CASP9: variants seen among roughly 807,000 people sequenced by gnomAD.
The protein encoded by CASP9 is caspase-9.
In CASP9, 29 loss-of-function variants were observed where a neutral mutation model predicts 43.5. That is an observed-to-expected ratio of 0.67 (90% CI 0.50 to 0.91). CASP9 has a LOEUF of 0.91. CASP9 is among the 40% of genes least tolerant of loss of function. The pLI is 0.00. For synonymous variants in CASP9, 206 were observed against 211.9 expected (o/e 0.97, Z 0.24); for missense variants, 575 against 537.4 (o/e 1.07, Z -0.69).
chr1:15,499,882 T>C (rs1203875539), intron 6 of CASP9, among the ~76,000 whole-genome samples: 1 of 152,200 alleles, frequency 6.6e-6, no homozygotes. Context: ...TAGGTTGCCA[T>C]ATTTTTTGTC....
chr1:15,509,475 A>AAAAAAAAAAAAAG (rs1709656230), intron 2 of CASP9, among the ~76,000 whole-genome samples: 1 of 150,996 alleles, frequency 6.6e-6, no homozygotes, highest in African/African-American at 2.4e-5. Flanking sequence ...AAAAAAAAAA[A>AAAAAAAAAAAAAG]AAAAGAAAAA....
rs1249673630 is a variant in CASP9 at position 15,518,281 on chromosome 1, C to T, written c.247G>A (p.Asp83Asn). 1 of 1,614,124 alleles carries T rather than the reference C, an allele frequency of 6.2e-7. No homozygotes were observed. Among genetic ancestry groups the T allele is most frequent in the African/African-American group, 1.3e-5 (1 of 74,948 alleles). Residue 83 changes from aspartate (D) to asparagine (N), a missense_variant, in exon 2 of 9, where the codon GAC (aspartate) becomes AAC (asparagine). Asp to Asn is a conservative substitution (Grantham distance 23, BLOSUM62 1). Transcript: ENST00000333868. ...GTTCGCAGAAACGAAGCCAGCATGT[C>T]CTGGCCTGTGTCCTCTAAGCAGGAG... ...FISCLEDTGQ[D>N]MLASFLRTNR... is the part of the protein sequence containing the mutation.
At chr1:15,493,807 T>G in intron 8 of CASP9, 85 bp downstream of exon 8, 3 of 1,528,688 alleles carry the variant, frequency 2.0e-6, no homozygotes, top group Non-Finnish European at 2.6e-6. Flanking sequence ...GGGCCTGCCC[T>G]GCTCACCCCA....
At chr1:15,507,767 G>A in intron 3 of CASP9, 106 bp downstream of exon 3, 1 of 1,083,794 alleles carries the variant, frequency 9.2e-7, no homozygotes, top group Non-Finnish European at 1.4e-6. Context: ...CACTGCCTAG[G>A]GTTGGGTTCC....
intron 6 of CASP9, among the ~76,000 whole-genome samples, chr1:15,498,812 C>T (rs1036046379): frequency 3.6e-5 from 5 of 140,706 alleles, no homozygotes; most frequent in East Asian, 4.2e-4. Context: ...TGCAGTGGCG[C>T]GATGGCTCAC....
chr1:15,493,305 G>T, intron 8 of CASP9: 1 of 1,336,130 alleles, frequency 7.5e-7, no homozygotes, highest in Admixed American at 3.5e-5. Flanking sequence ...GCCCCTTCTC[G>T]TGGCATGAAT....
intron 6 of CASP9, among the ~76,000 whole-genome samples, chr1:15,497,183 C>A (rs1181885045): frequency 1.3e-5 from 2 of 151,444 alleles, no homozygotes; most frequent in Non-Finnish European, 2.9e-5. Flanking sequence ...TGGTGGTGGG[C>A]ACCTGTAATC....
intron 5 of CASP9, among the ~76,000 whole-genome samples, chr1:15,505,288 T>C (rs4646047): frequency 0.59 from 89,188 of 152,022 alleles, 26,835 homozygotes; most frequent in African/African-American, 0.71. Flanking sequence ...ACATTCTTCA[T>C]GAGCTCTAGG....
chr1:15,523,358 A>C (rs1178050200), intron 1 of CASP9, among the ~76,000 whole-genome samples: 1 of 152,216 alleles, frequency 6.6e-6, no homozygotes, highest in Non-Finnish European at 1.5e-5. Context: ...CTGTGGCTCA[A>C]AGAGGGTAAG....
chr1:15,506,466 C>G (rs529210156), intron 4 of CASP9, among the ~76,000 whole-genome samples: 3 of 151,804 alleles, frequency 2.0e-5, no homozygotes, highest in Non-Finnish European at 2.9e-5. Flanking sequence ...CCCGCCCCCC[C>G]CAAAAAATAA....
At position 15,492,720 on chromosome 1, in the gene CASP9, C is replaced by A. The variant is rs906874720; in HGVS notation, c.*223G>T. The stretch of plus-strand genomic sequence containing the variant: ...GGACCAGCCACTGCTCAAGAGGCCA[C>A]GTGCAATCCACGGCATTCATCTGTC... On this transcript the variant is annotated 3_prime_UTR_variant, in exon 9 of 9. Coordinates refer to ENST00000333868, the MANE Select transcript of CASP9 (RefSeq NM_001229.5). 9 of 605,804 alleles carry A rather than the reference C, an allele frequency of 1.5e-5. No homozygotes were observed. The highest frequency in any genetic ancestry group is 2.6e-5 in the Non-Finnish European group (9 of 350,434). 37.5% of individuals were successfully genotyped at this position (605,804 alleles called of 1,614,324 possible).
intron 1 of CASP9, 33 bp from the exon 2 acceptor site, chr1:15,518,428 C>A: frequency 6.3e-7 from 1 of 1,595,754 alleles, no homozygotes; most frequent in Non-Finnish European, 8.5e-7. Context: ...TACTAATTAT[C>A]CACGTACTTT....
At chr1:15,506,298 A>AG (rs1401745913) in intron 4 of CASP9, among the ~76,000 whole-genome samples, 1 of 150,742 alleles carries the variant, frequency 6.6e-6, no homozygotes, top group African/African-American at 2.4e-5. Flanking sequence ...AAAATACAAA[A>AG]AAAAAAATTT....
intron 2 of CASP9, among the ~76,000 whole-genome samples, chr1:15,516,396 G>A (rs1709949673): frequency 6.6e-6 from 1 of 151,484 alleles, no homozygotes; most frequent in African/African-American, 2.4e-5. Flanking sequence ...TGGGAGGATC[G>A]CTTGAGCCTG....
In CASP9 at chr1:15,512,702, A is replaced by T. The variant is rs571271698; in HGVS notation, c.419-4795T>A. On this transcript the variant is annotated intron_variant, in intron 2 of 8. Coordinates refer to ENST00000333868, the MANE Select transcript of CASP9 (RefSeq NM_001229.5). Reference sequence around the variant, plus strand: ...ATATACACACACAAAAAAAATGCATATATCTTTCTATATATATCCGTGTGT... The same window carrying T: ...ATATACACACACAAAAAAAATGCATTTATCTTTCTATATATATCCGTGTGT... Among the ~76,000 whole-genome samples the T allele has an allele frequency of 5.3e-5, 8 of 152,276 alleles. No individual in the cohort carries two copies. In the East Asian group the frequency reaches 1.3e-3, roughly 26 times the overall value.
At chr1:15,517,957 T>G (rs1005911715) in intron 2 of CASP9, among the ~76,000 whole-genome samples, 153 bp downstream of exon 2, 19 of 152,220 alleles carry the variant, frequency 1.2e-4, no homozygotes, top group Non-Finnish European at 2.4e-4. Flanking sequence ...TTCAACCTCC[T>G]GAAAACCTCC....
At chr1:15,493,281 G>A in intron 8 of CASP9, 1 of 1,361,588 alleles carries the variant, frequency 7.3e-7, no homozygotes, top group South Asian at 1.8e-5. Context: ...GCCAGGAGTG[G>A]CCCCAGCCTC....
chr1:15,522,930 CTTATT>C (rs1196228047), intron 1 of CASP9, among the ~76,000 whole-genome samples: 1 of 152,194 alleles, frequency 6.6e-6, no homozygotes, highest in Admixed American at 6.5e-5. Flanking sequence ...AGGCACAAAA[CTTATT>C]TTATTATTAA....
chr1:15,505,312 G>A (rs991414938), intron 5 of CASP9, among the ~76,000 whole-genome samples: 3 of 152,222 alleles, frequency 2.0e-5, no homozygotes, highest in Non-Finnish European at 4.4e-5. Flanking sequence ...CATATTATGA[G>A]AGAAAGGACC....
Sources: gnomAD v4.1 joint callset for allele counts (sites outside exome capture counted in the v4.1 genomes callset) on GRCh38, gnomAD v4.1.1 for gene constraint, MANE v1.5 for transcripts, NCBI Gene and HGNC (gene_info 2026-07-23, HGNC 2026-07-21) for gene names.